NUDT6: variants seen among roughly 807,000 people sequenced by gnomAD.
NUDT6 encodes the protein nudix hydrolase 6, also known as FAD diphosphatase NUDT6.
NUDT6 carries 24 observed loss-of-function variants against 36.8 expected under a neutral mutation model. That is an observed-to-expected ratio of 0.65 (90% CI 0.47 to 0.92). The LOEUF is 0.92. Ranked by LOEUF, NUDT6 falls within the 40% of genes least tolerant of loss-of-function variation. The probability of loss-of-function intolerance (pLI) is 0.00; values close to 1 mark genes in which losing one functional copy is unlikely to be tolerated. For missense variants in NUDT6, 388 were observed against 392.8 expected (o/e 0.99, Z 0.10); for synonymous variants, 163 against 157.0 (o/e 1.04, Z -0.29).
chr4:122,919,266 G>C (rs1256949414), intron 1 of NUDT6: 2 of 152,262 alleles, frequency 1.3e-5, no homozygotes, highest in Non-Finnish European at 2.9e-5. Context: ...CACCAGGATG[G>C]AGTGCAATGG....
chr4:122,895,270 T>A (rs1379538732), intron 4 of NUDT6: 1 of 152,248 alleles, frequency 6.6e-6, no homozygotes, highest in Non-Finnish European at 1.5e-5. Flanking sequence ...TAACATTTGC[T>A]GTTTTATAGG....
At chr4:122,909,785 C>G (rs1273812073) in intron 3 of NUDT6, among the ~76,000 whole-genome samples, 1 of 152,112 alleles carries the variant, frequency 6.6e-6, no homozygotes, top group East Asian at 1.9e-4. Flanking sequence ...CTGTAAAGGC[C>G]ATACAAAAGA....
At chr4:122,915,510 C>T (rs1286219227) in intron 2 of NUDT6, among the ~76,000 whole-genome samples, 1 of 147,354 alleles carries the variant, frequency 6.8e-6, no homozygotes, top group Non-Finnish European at 1.5e-5. Flanking sequence ...AACTCTGCAC[C>T]TTTCCAGAAC....
At chr4:122,893,565 A>G (rs1727255724) in intron 4 of NUDT6, 1 of 180,854 alleles carries the variant, frequency 5.5e-6, no homozygotes, top group South Asian at 1.9e-4. Context: ...AACATTTTGC[A>G]TGGCTGCAGT....
At chr4:122,906,793 T>G (rs1459171829) in intron 3 of NUDT6, among the ~76,000 whole-genome samples, 2 of 152,152 alleles carry the variant, frequency 1.3e-5, no homozygotes, top group African/African-American at 4.8e-5. Context: ...TAAAACAGGT[T>G]GCAGTAAAGA....
intron 2 of NUDT6, among the ~76,000 whole-genome samples, chr4:122,915,461 C>A (rs1727809719): frequency 1.9e-5 from 2 of 104,648 alleles, no homozygotes; most frequent in African/African-American, 5.0e-5. Flanking sequence ...CAAAGTGAGA[C>A]CCTGCCTCAA....
chr4:122,909,872 C>G (rs1260616971), intron 3 of NUDT6, among the ~76,000 whole-genome samples: 1 of 152,158 alleles, frequency 6.6e-6, no homozygotes, highest in Non-Finnish European at 1.5e-5. Context: ...TCAGTTATTC[C>G]AAAGAATGAT....
At chr4:122,911,435 G>A (rs543471176) in intron 3 of NUDT6, among the ~76,000 whole-genome samples, 2 of 152,108 alleles carry the variant, frequency 1.3e-5, no homozygotes, top group African/African-American at 2.4e-5. Context: ...GGTCATAACC[G>A]TTACATATAT....
At chr4:122,914,056 A>G (rs1727781765) in intron 2 of NUDT6, among the ~76,000 whole-genome samples, 1 of 152,220 alleles carries the variant, frequency 6.6e-6, no homozygotes, top group African/African-American at 2.4e-5. Context: ...GGTGAACAAC[A>G]CAAATGAAAC....
intron 2 of NUDT6, among the ~76,000 whole-genome samples, chr4:122,915,912 T>C (rs955349544): frequency 2.0e-5 from 3 of 152,204 alleles, no homozygotes; most frequent in African/African-American, 7.2e-5. Context: ...TTAGGCATTC[T>C]TGAACAACTC....
intron 4 of NUDT6, chr4:122,897,105 A>G: frequency 6.6e-6 from 1 of 152,482 alleles, no homozygotes; most frequent in Non-Finnish European, 1.5e-5. Context: ...ACATTTTACT[A>G]TGTTTTGACT....
Position 122,908,434 on chromosome 4 carries a change from A to G in NUDT6, c.498+4134T>C, listed in dbSNP as rs762841425. Among the ~76,000 whole-genome samples, 71 of 152,244 alleles carry G rather than the reference A, an allele frequency of 4.7e-4. 1 individual carries two copies. The highest frequency in any genetic ancestry group is 1.6e-4 in the Non-Finnish European group (11 of 68,048). ...GCTTCACTTCCTTAATCAATTGTAA[A>G]TTAGAGAATCTGTGAATCTACCTAT... On this transcript the variant is annotated intron_variant, in intron 3 of 4. Transcript: ENST00000304430.
intron 1 of NUDT6, chr4:122,920,634 C>T (rs6830285): frequency 0.76 from 115,126 of 152,120 alleles, 47,063 homozygotes; most frequent in East Asian, 0.96. Flanking sequence ...AGAATGTGCA[C>T]CTCCAAATCG....
chr4:122,918,004 C>G, intron 1 of NUDT6: 1 of 322,052 alleles, frequency 3.1e-6, no homozygotes, highest in Non-Finnish European at 5.8e-6. Context: ...TTAGAGTGGA[C>G]AAATAAAAGG....
At chr4:122,914,943 A>G (rs1006044825) in intron 2 of NUDT6, among the ~76,000 whole-genome samples, 1 of 152,188 alleles carries the variant, frequency 6.6e-6, no homozygotes. Context: ...GATAAATGCC[A>G]TAAAGAAACA....
intron 3 of NUDT6, among the ~76,000 whole-genome samples, chr4:122,902,212 G>A (rs1424664293): frequency 6.6e-6 from 1 of 152,144 alleles, no homozygotes; most frequent in Non-Finnish European, 1.5e-5. Flanking sequence ...CTTGTTAGGT[G>A]TTGGGCATAC....
intron 3 of NUDT6, among the ~76,000 whole-genome samples, chr4:122,899,622 A>G (rs1727469393): frequency 6.6e-6 from 1 of 152,148 alleles, no homozygotes; most frequent in South Asian, 2.1e-4. Flanking sequence ...CTTTATATCA[A>G]ACAATTCCCA....
chr4:122,911,631 G>A (rs906612261), intron 3 of NUDT6, among the ~76,000 whole-genome samples: 1 of 152,168 alleles, frequency 6.6e-6, no homozygotes, highest in Admixed American at 6.5e-5. Context: ...ATGTGACACT[G>A]CTTTCAGCTA....
chr4:122,897,720 C>T (rs753377427), intron 3 of NUDT6, 42 bp from the exon 4 acceptor site: 3 of 1,235,226 alleles, frequency 2.4e-6, no homozygotes, highest in Non-Finnish European at 3.6e-6. Flanking sequence ...ATAACTTTCA[C>T]TAACACACAC....
Sources: gnomAD v4.1 joint callset for allele counts (sites outside exome capture counted in the v4.1 genomes callset) on GRCh38, gnomAD v4.1.1 for gene constraint, MANE v1.5 for transcripts, NCBI Gene and HGNC (gene_info 2026-07-23, HGNC 2026-07-21) for gene names.